Variants in ITGAV observed in about 807,000 individuals in gnomAD.
The protein encoded by ITGAV is integrin subunit alpha V.
Under a neutral mutation model 143.8 loss-of-function variants are expected in ITGAV, and 76 were observed. The observed-to-expected ratio is 0.53, with a 90% CI of 0.44 to 0.64. ITGAV has a LOEUF of 0.64. Among genes scored for constraint, ITGAV ranks in the 30% least tolerant of loss-of-function variants. The pLI is 0.00. For missense variants in ITGAV, 1,193 were observed against 1,274.7 expected (o/e 0.94, Z 0.98); for synonymous variants, 453 against 446.7 (o/e 1.01, Z -0.18).
At chr2:186,600,221 G>T in intron 1 of ITGAV, 2 of 950,116 alleles carry the variant, frequency 2.1e-6, no homozygotes, top group Non-Finnish European at 3.2e-6. Context: ...AGCTCCTGGA[G>T]ATTCAATTCT....
At chr2:186,625,175 C>T (rs1025588781) in intron 3 of ITGAV, among the ~76,000 whole-genome samples, 1 of 151,960 alleles carries the variant, frequency 6.6e-6, no homozygotes, top group African/African-American at 2.4e-5. Context: ...CAGTTAGAGA[C>T]CAGCCTGGGA....
chr2:186,616,217 G>A (rs1423527141), intron 2 of ITGAV, among the ~76,000 whole-genome samples: 1 of 150,586 alleles, frequency 6.6e-6, no homozygotes, highest in East Asian at 2.0e-4. Flanking sequence ...TACACATTCA[G>A]ATTTTAGGCA....
intron 26 of ITGAV, among the ~76,000 whole-genome samples, chr2:186,672,618 T>G (rs560544981): frequency 5.3e-5 from 8 of 152,226 alleles, no homozygotes; most frequent in Non-Finnish European, 1.2e-4. Context: ...AAAATTTTTA[T>G]AATCATCCTG....
chr2:186,663,546 A>G (rs1175231187), intron 18 of ITGAV, among the ~76,000 whole-genome samples: 1 of 152,178 alleles, frequency 6.6e-6, no homozygotes, highest in Non-Finnish European at 1.5e-5. Flanking sequence ...ATATCCTATG[A>G]ATCTTTTTCT....
At chr2:186,626,899 G>A (rs1687690907) in intron 4 of ITGAV, among the ~76,000 whole-genome samples, 1 of 152,162 alleles carries the variant, frequency 6.6e-6, no homozygotes. Flanking sequence ...GGTATGTAGA[G>A]AATCTGAAGA....
chr2:186,617,770 CTTTT>C (rs766201379), intron 2 of ITGAV, among the ~76,000 whole-genome samples: 56 of 152,184 alleles, frequency 3.7e-4, no homozygotes, highest in Non-Finnish European at 7.2e-4. Context: ...GTGAGATACT[CTTTT>C]TTTCTTTTTT....
At chr2:186,662,480 A>G (rs1688775400) in intron 18 of ITGAV, among the ~76,000 whole-genome samples, 1 of 152,200 alleles carries the variant, frequency 6.6e-6, no homozygotes, top group African/African-American at 2.4e-5. Context: ...TGATTTTTAA[A>G]TTTTATTTAA....
chr2:186,639,449 G>A (rs1688042647), intron 10 of ITGAV, among the ~76,000 whole-genome samples: 1 of 152,124 alleles, frequency 6.6e-6, no homozygotes, highest in South Asian at 2.1e-4. Context: ...TTGACAGGCA[G>A]TTAGGGTTGC....
chr2:186,607,490 AG>A (rs1687100508), intron 2 of ITGAV, among the ~76,000 whole-genome samples: 1 of 152,024 alleles, frequency 6.6e-6, no homozygotes, highest in Middle Eastern at 3.2e-3. Context: ...TGTCACAGGG[AG>A]TAGTGATAGT....
chr2:186,638,406 C>T lies in ITGAV; in HGVS notation c.847-3C>T. The T allele has an allele frequency of 1.2e-6, 2 of 1,611,300 alleles. No homozygotes were observed. The highest frequency in any genetic ancestry group is 2.7e-5 in the African/African-American group (2 of 74,958). The stretch of plus-strand genomic sequence containing the variant: ...TTCACATACTTCTATTTTTCCTTCA[C>T]AGGTTTATATTTATGATGGGAAGAA... On this transcript the variant is annotated splice_polypyrimidine_tract_variant and splice_region_variant and intron_variant, in intron 9 of 29. Coordinates refer to ENST00000261023, the MANE Select transcript of ITGAV (RefSeq NM_002210.5).
intron 1 of ITGAV, among the ~76,000 whole-genome samples, chr2:186,599,076 C>T (rs1478412666): frequency 4.6e-5 from 7 of 152,104 alleles, no homozygotes; most frequent in African/African-American, 1.7e-4. Context: ...TACATTCGTT[C>T]TAATTTCACA....
At chr2:186,603,816 G>T (rs911492362) in intron 2 of ITGAV, among the ~76,000 whole-genome samples, 52 of 151,366 alleles carry the variant, frequency 3.4e-4, no homozygotes, top group Admixed American at 6.6e-4. Flanking sequence ...CTCAAAGGGT[G>T]TACAATGAAA....
chr2:186,641,585 A>G lies in ITGAV; in HGVS notation c.1156A>G (p.Asn386Asp). ...GGGAGATCTGGACCAGGATGGTTTC[A>G]ATGGTAAGATCAAAGTTTAGCAGCT... The part of the protein sequence containing the change: ...PLGDLDQDGF[N>D]DIAIAAPYGG... Residue 386 changes from asparagine (N) to aspartate (D), a missense_variant, in exon 12 of 30, where the codon AAT (asparagine) becomes GAT (aspartate). Coordinates refer to ENST00000261023, the MANE Select transcript of ITGAV (RefSeq NM_002210.5). The G allele has an allele frequency of 4.3e-6, 7 of 1,613,690 alleles. No individual in the cohort carries two copies. The highest frequency in any genetic ancestry group is 5.9e-6 in the Non-Finnish European group (7 of 1,179,716).
intron 29 of ITGAV, 43 bp from the exon 30 acceptor site, chr2:186,677,154 T>A: frequency 1.3e-6 from 2 of 1,544,418 alleles, no homozygotes; most frequent in East Asian, 4.5e-5. Flanking sequence ...TTTCGTATTC[T>A]ACACTGATGT....
chr2:186,653,032 G>T (rs565885220), intron 15 of ITGAV, among the ~76,000 whole-genome samples: 1 of 139,304 alleles, frequency 7.2e-6, no homozygotes, highest in South Asian at 2.3e-4. Flanking sequence ...TGCAAGCTCC[G>T]CTTCCCGGGT....
chr2:186,616,648 A>G lies in ITGAV; in HGVS notation c.317-5691A>G, dbSNP rs570463928. 7.5e-4 allele frequency among the ~76,000 whole-genome samples: 114 copies of G among 152,264 alleles called. 1 individual carries two copies. The Middle Eastern group carries it at 0.014, about 18-fold the overall frequency. On this transcript the variant is annotated intron_variant, in intron 2 of 29. Transcript: ENST00000261023. Reference sequence around the variant, plus strand: ...GATAACAGTAGTTGTCTGACCTCCAAATCATTTTCTCTCAAATTTCCCTTA... The same window carrying G: ...GATAACAGTAGTTGTCTGACCTCCAGATCATTTTCTCTCAAATTTCCCTTA...
At chr2:186,668,173 T>TATAC (rs1156743849) in intron 24 of ITGAV, among the ~76,000 whole-genome samples, 38 of 81,808 alleles carry the variant, frequency 4.6e-4, no homozygotes, top group Non-Finnish European at 8.4e-4. Context: ...GCCTTTTGTT[T>TATAC]ATACATACAT....
intron 20 of ITGAV, 56 bp from the exon 21 acceptor site, chr2:186,665,070 G>A (rs897812638): frequency 1.7e-5 from 19 of 1,109,426 alleles, no homozygotes; most frequent in Non-Finnish European, 2.2e-5. Flanking sequence ...ATCCAACTGC[G>A]TGATACTTTA....
intron 28 of ITGAV, 56 bp from the exon 29 acceptor site, chr2:186,676,757 T>A (rs1322205393): frequency 6.5e-7 from 1 of 1,536,930 alleles, no homozygotes; most frequent in Non-Finnish European, 8.9e-7. Flanking sequence ...TACTCAGATA[T>A]TTGTTGATTA....
Sources: gnomAD v4.1 joint callset for allele counts (sites outside exome capture counted in the v4.1 genomes callset) on GRCh38, gnomAD v4.1.1 for gene constraint, MANE v1.5 for transcripts, NCBI Gene and HGNC (gene_info 2026-07-23, HGNC 2026-07-21) for gene names.